The following GTF3C2 variants were observed in gnomAD, a reference collection of about 807,000 sequenced individuals.
GTF3C2 encodes general transcription factor 3C polypeptide 2.
A neutral mutation model predicts 117.4 loss-of-function variants in GTF3C2; 17 were observed. That is an observed-to-expected ratio of 0.14 (90% CI 0.10 to 0.22). The LOEUF (loss-of-function observed/expected upper bound fraction) is 0.22, where lower values mean the gene tolerates loss of function less well. Ranked by LOEUF, GTF3C2 falls within the 10% of genes least tolerant of loss-of-function variation. GTF3C2 has a pLI of 1.00. For missense variants in GTF3C2, 888 were observed against 1,143.6 expected (o/e 0.78, Z 3.22); for synonymous variants, 437 against 427.0 (o/e 1.02, Z -0.29).
In GTF3C2 at chr2:27,327,304, T is replaced by A; in HGVS notation, c.2410-20A>T. 7.8e-7 allele frequency: 1 copy of A among 1,289,652 alleles called. No individual in the cohort carries two copies. Among genetic ancestry groups the A allele is most frequent in the Non-Finnish European group, 1.1e-6 (1 of 895,904 alleles). 79.9% of individuals were successfully genotyped at this position (1,289,652 alleles called of 1,614,324 possible). A position where few individuals can be genotyped will look rare whatever the true frequency, so the allele number is the denominator to read the frequency against. On this transcript the variant is annotated intron_variant, in intron 17 of 18. Transcript: ENST00000264720. The stretch of plus-strand genomic sequence containing the variant: ...TGAACCCTGGGGAAGGGAAATGGAA[T>A]AGGAGAGAGAAAGTGAGACGCTCGT...
chr2:27,329,098 G>T lies in GTF3C2; in HGVS notation c.2039+23C>A, dbSNP rs747652439. The T allele has an allele frequency of 1.9e-6, 3 of 1,612,296 alleles. No homozygotes were observed. The South Asian group carries it at 3.3e-5, about 18-fold the overall frequency. ...CAACCCTTAGGGCCTGTCCCTAGAG[G>T]TCCTATCTCCATCTTGCCGTACGAG... On this transcript the variant is annotated intron_variant, in intron 14 of 18. Coordinates refer to ENST00000264720, the Ensembl canonical transcript of GTF3C2. This position sits in a 1 kb window ranked among gnomAD's most constrained non-coding sequence, Gnocchi z 4.5.
At chr2:27,326,649 C>A in exon 19 of GTF3C2, 1 of 1,572,132 alleles carries the variant, frequency 6.4e-7, no homozygotes, top group Admixed American at 1.7e-5. Context: ...ACCGACTTCA[C>A]TCCAAGGATC....
rs745923298 is a variant in GTF3C2, at chr2:27,337,928, G to C, written c.948C>G (p.Asp316Glu). Residue 316 changes from aspartate to glutamate, a missense_variant and splice_region_variant, in exon 5 of 19, where the codon GAC becomes GAG. Coordinates refer to ENST00000264720, the Ensembl canonical transcript of GTF3C2. ...AGCCCCCTGTCCCCAAGTCTCACAA[G>C]TCCTTGGTGAGATGGAGGCACTTCC... The C allele has an allele frequency of 3.8e-6, 6 of 1,573,064 alleles. No homozygotes were observed. The East Asian group carries it at 1.3e-4, about 35-fold the overall frequency.
intron 1 of GTF3C2, among the ~76,000 whole-genome samples, chr2:27,350,029 A>ATTTT (rs1290052693): frequency 6.6e-6 from 1 of 152,218 alleles, no homozygotes; most frequent in African/African-American, 2.4e-5. Flanking sequence ...AACAGCATCA[A>ATTTT]AAGATACAAA....
At chr2:27,343,330 G>T (rs1233281897) in exon 2 of GTF3C2, 1 of 1,614,106 alleles carries the variant, frequency 6.2e-7, no homozygotes, top group Admixed American at 1.7e-5. Context: ...GTCTGGAGAG[G>T]CTTTCCTGCT....
rs1174299315 is a variant in GTF3C2 at position 27,328,987 on chromosome 2, C to CT, written c.2040-57dup. The CT allele has an allele frequency of 7.5e-6, 11 of 1,469,878 alleles. 1 individual carries two copies. In the East Asian group the frequency reaches 2.0e-4, roughly 27 times the overall value. 91.1% of individuals were successfully genotyped at this position (1,469,878 alleles called of 1,614,324 possible). On this transcript the variant is annotated intron_variant, in intron 14 of 18. Transcript: ENST00000264720. ...CTTTTCTTTAGATTCATTTCTTCTTCTTAACCTCTTCCAGAATTTAAACCA... is the reference window on the plus strand; with the variant it reads ...CTTTTCTTTAGATTCATTTCTTCTTCTTTAACCTCTTCCAGAATTTAAACCA...
intron 1 of GTF3C2, among the ~76,000 whole-genome samples, chr2:27,355,280 T>TA (rs1424052963): frequency 2.6e-5 from 4 of 152,102 alleles, no homozygotes; most frequent in Admixed American, 6.5e-5. Context: ...CCCAGCACTT[T>TA]AGGAGGCCGA....
At chr2:27,341,757 T>C in intron 4 of GTF3C2, 191 bp downstream of exon 4, 1 of 584,422 alleles carries the variant, frequency 1.7e-6, no homozygotes, top group Non-Finnish European at 3.0e-6. Context: ...GAATGAATAA[T>C]CTTGTTTACC....
chr2:27,346,291 T>C (rs1680912859), intron 1 of GTF3C2, among the ~76,000 whole-genome samples: 1 of 150,318 alleles, frequency 6.7e-6, no homozygotes, highest in African/African-American at 2.5e-5. Flanking sequence ...CCCAAAATGT[T>C]GGGATTATAG....
At chr2:27,351,142 T>A (rs1681120038) in intron 1 of GTF3C2, among the ~76,000 whole-genome samples, 1 of 151,972 alleles carries the variant, frequency 6.6e-6, no homozygotes, top group African/African-American at 2.4e-5. Context: ...CCGGGCATGG[T>A]GGCTCACGCC....
At chr2:27,343,218 C>T (rs996504011) in intron 2 of GTF3C2, 71 bp from the exon 3 acceptor site, 28 of 1,519,648 alleles carry the variant, frequency 1.8e-5, no homozygotes, top group South Asian at 2.5e-5. Flanking sequence ...TTACACTGTA[C>T]CCAGGTTTGT....
intron 7 of GTF3C2, among the ~76,000 whole-genome samples, chr2:27,336,965 T>C (rs1008912861): frequency 2.6e-5 from 4 of 152,212 alleles, no homozygotes; most frequent in African/African-American, 9.6e-5. Context: ...TGGCATACTA[T>C]AGTAGTCTCC....
At chr2:27,335,201 T>G in intron 10 of GTF3C2, 1 of 471,148 alleles carries the variant, frequency 2.1e-6, no homozygotes, top group Non-Finnish European at 4.4e-6. Flanking sequence ...GAACAAGAGA[T>G]TGTGTTTGTG....
At chr2:27,331,270 G>A (rs1680262990) in intron 12 of GTF3C2, among the ~76,000 whole-genome samples, 1 of 152,200 alleles carries the variant, frequency 6.6e-6, no homozygotes, top group Non-Finnish European at 1.5e-5. Context: ...AAAAAGACGT[G>A]TAAGAGTGCT....
chr2:27,352,688 G>A (rs1681176055), intron 1 of GTF3C2, among the ~76,000 whole-genome samples: 1 of 152,036 alleles, frequency 6.6e-6, no homozygotes, highest in Non-Finnish European at 1.5e-5. Flanking sequence ...TATAAAAAAA[G>A]TTTAAGATAT....
intron 1 of GTF3C2, among the ~76,000 whole-genome samples, chr2:27,355,297 C>G (rs775440791): frequency 3.9e-5 from 6 of 151,996 alleles, no homozygotes; most frequent in African/African-American, 1.5e-4. Context: ...CCGAGGTGGG[C>G]GGATAACGAG....
rs762747999 is a variant in GTF3C2, at chr2:27,342,881, G to C, written c.514C>G (p.Pro172Ala). ...CCAGAAGGGGTCTCAAAGTCCTCAG[G>C]GGGCCTCTTTGGAGATTGAGATTCT... is the stretch of plus-strand genomic sequence containing the variant. Residue 172 changes from proline to alanine, a missense_variant, in exon 3 of 19, where the codon CCT becomes GCT. Transcript: ENST00000264720. 37 of 1,614,158 alleles carry C rather than the reference G, an allele frequency of 2.3e-5. No individual in the cohort carries two copies. In the East Asian group the frequency reaches 8.2e-4, roughly 36 times the overall value.
At chr2:27,330,818 G>A (rs1680250409) in intron 12 of GTF3C2, among the ~76,000 whole-genome samples, 1 of 152,156 alleles carries the variant, frequency 6.6e-6, no homozygotes, top group Admixed American at 6.6e-5. Context: ...AAAATTAGCT[G>A]GCCTTTGGTG....
intron 12 of GTF3C2, among the ~76,000 whole-genome samples, chr2:27,331,350 C>T (rs973717122): frequency 6.6e-6 from 1 of 152,098 alleles, no homozygotes; most frequent in Non-Finnish European, 1.5e-5. Flanking sequence ...GTTTTTGAAA[C>T]GGAGTCTCAC....
Sources: gnomAD v4.1 joint callset for allele counts (sites outside exome capture counted in the v4.1 genomes callset) on GRCh38, gnomAD v4.1.1 for gene constraint, Gnocchi (gnomAD v3.1) non-coding constraint, MANE v1.5 for transcripts, NCBI Gene and HGNC (gene_info 2026-07-23, HGNC 2026-07-21) for gene names.